Variants in ICA1 observed in about 807,000 individuals in gnomAD.
ICA1 encodes islet cell autoantigen 1, also known as 69 kDa islet cell autoantigen.
Under a neutral mutation model 71.0 loss-of-function variants are expected in ICA1, and 40 were observed. The observed-to-expected ratio is 0.56, with a 90% confidence interval of 0.44 to 0.73. The LOEUF is 0.73. Among genes scored for constraint, ICA1 ranks in the 30% least tolerant of loss-of-function variants. ICA1 has a pLI of 0.00. For missense variants in ICA1, 578 were observed against 576.5 expected, an observed-to-expected ratio of 1.00 and a Z score of -0.03; for synonymous variants, 207 against 209.5, an observed-to-expected ratio of 0.99 and a Z score of 0.10.
At chr7:8,163,397 T>C (rs1804640613) in intron 6 of ICA1, among the ~76,000 whole-genome samples, 1 of 152,246 alleles carries the variant, frequency 6.6e-6, no homozygotes, top group Admixed American at 6.5e-5. Flanking sequence ...CTACTCTCAT[T>C]TTTATATCTT....
chr7:8,262,230 C>A (rs1391105594), upstream of ICA1: 1 of 152,032 alleles, frequency 6.6e-6, no homozygotes. Context: ...CTGCGGCGGC[C>A]GCCACCAGCC....
At chr7:8,158,344 A>G in intron 7 of ICA1, 183 bp downstream of exon 7, 2 of 644,104 alleles carry the variant, frequency 3.1e-6, no homozygotes, top group South Asian at 4.1e-5. Context: ...TATACAGGAA[A>G]TAACTACTAT....
At chr7:8,213,297 T>G (rs1334336268) in intron 6 of ICA1, among the ~76,000 whole-genome samples, 3 of 152,212 alleles carry the variant, frequency 2.0e-5, no homozygotes, top group Admixed American at 6.5e-5. Flanking sequence ...CCCTACCTCC[T>G]TTATATATGA....
chr7:8,142,293 C>T (rs750369861), intron 9 of ICA1, among the ~76,000 whole-genome samples: 7 of 152,198 alleles, frequency 4.6e-5, no homozygotes, highest in Non-Finnish European at 7.3e-5. Flanking sequence ...TCTTTAAACA[C>T]AGAGACACAT....
At chr7:8,231,578 T>A (rs756252250) in intron 3 of ICA1, among the ~76,000 whole-genome samples, 6 of 152,182 alleles carry the variant, frequency 3.9e-5, no homozygotes, top group Non-Finnish European at 5.9e-5. Context: ...AAAACGAGGA[T>A]ATGAGAAACT....
chr7:8,183,666 C>T (rs979413978), intron 6 of ICA1, among the ~76,000 whole-genome samples: 1 of 152,114 alleles, frequency 6.6e-6, no homozygotes, highest in Admixed American at 6.6e-5. Flanking sequence ...GGAAAATAAG[C>T]ATGAGATAAA....
At chr7:8,118,280 C>T (rs148924252) in intron 13 of ICA1, among the ~76,000 whole-genome samples, 8 of 152,226 alleles carry the variant, frequency 5.3e-5, no homozygotes, top group South Asian at 4.1e-4. Flanking sequence ...TGAAAAAATA[C>T]GAAGAGTTCT....
rs1792357153 is a variant in ICA1 at position 8,208,332 on chromosome 7, G to A, written c.579+9973C>T. Among the ~76,000 whole-genome samples, 3 of 152,300 alleles carry A rather than the reference G, an allele frequency of 2.0e-5. No homozygotes were observed. The South Asian group carries it at 6.2e-4, about 32-fold the overall frequency. Reference sequence around the variant, plus strand: ...TAACGCTATTGGCATTCGGGAAACAGTAGCTACACTGCTCCTGTTTGAAAT... The same window carrying A: ...TAACGCTATTGGCATTCGGGAAACAATAGCTACACTGCTCCTGTTTGAAAT... On this transcript the variant is annotated intron_variant, in intron 6 of 13. Coordinates refer to ENST00000402384, the MANE Select transcript of ICA1 (RefSeq NM_001136020.3).
At chr7:8,206,520 T>A (rs3757514) in intron 6 of ICA1, among the ~76,000 whole-genome samples, 119,152 of 152,090 alleles carry the variant, frequency 0.78, 49,872 homozygotes, top group South Asian at 0.91. Context: ...TGTTCTTCAA[T>A]CTCATTGATT....
At chr7:8,188,261 T>C (rs533952038) in intron 6 of ICA1, among the ~76,000 whole-genome samples, 147 of 152,348 alleles carry the variant, frequency 9.6e-4, no homozygotes, top group African/African-American at 2.7e-3. Context: ...TAAGTTCACA[T>C]TGCATAATGA....
chr7:8,181,074 T>C (rs1462956251), intron 6 of ICA1, among the ~76,000 whole-genome samples: 1 of 152,156 alleles, frequency 6.6e-6, no homozygotes, highest in Non-Finnish European at 1.5e-5. Context: ...ATTGAGATAT[T>C]TACCTATGTT....
At chr7:8,233,475 C>A (rs1194322463) in intron 2 of ICA1, among the ~76,000 whole-genome samples, 1 of 151,290 alleles carries the variant, frequency 6.6e-6, no homozygotes, top group Non-Finnish European at 1.5e-5. Flanking sequence ...CTCACTGCAG[C>A]CTCTGCCTTC....
At chr7:8,232,529 C>A in intron 3 of ICA1, 61 bp downstream of exon 3, 1 of 1,470,954 alleles carries the variant, frequency 6.8e-7, no homozygotes, top group Non-Finnish European at 9.1e-7. Flanking sequence ...AGTGAGTATA[C>A]TCTAGGACCT....
rs1436875628 is a variant in ICA1 at position 8,138,974 on chromosome 7, A to T, written c.1018+11T>A. ...AATTAAAATTGAGTAGTTTTCCTTA[A>T]TCTAGGTTACCTGAGCATGCAGTAT... On this transcript the variant is annotated intron_variant, in intron 11 of 13. Coordinates refer to ENST00000402384, the MANE Select transcript of ICA1 (RefSeq NM_001136020.3). 6.2e-7 allele frequency: 1 copy of T among 1,610,238 alleles called. No homozygotes were observed. The highest frequency in any genetic ancestry group is 8.5e-7 in the Non-Finnish European group (1 of 1,176,702).
At chr7:8,169,312 C>G (rs1311578024) in intron 6 of ICA1, among the ~76,000 whole-genome samples, 1 of 152,044 alleles carries the variant, frequency 6.6e-6, no homozygotes, top group Non-Finnish European at 1.5e-5. Flanking sequence ...TTGAGTAAAG[C>G]TGTTATAAAT....
intron 6 of ICA1, among the ~76,000 whole-genome samples, chr7:8,194,931 A>G (rs1036922095): frequency 6.6e-6 from 1 of 152,244 alleles, no homozygotes; most frequent in East Asian, 1.9e-4. Context: ...ATAATAAAGC[A>G]TTAAAAATTA....
At chr7:8,176,142 G>A (rs138257704) in intron 6 of ICA1, among the ~76,000 whole-genome samples, 3 of 152,226 alleles carry the variant, frequency 2.0e-5, no homozygotes, top group Non-Finnish European at 4.4e-5. Context: ...CCTCTTGTAC[G>A]AAACACAAAC....
intron 8 of ICA1, among the ~76,000 whole-genome samples, chr7:8,146,897 C>CAT (rs1408563134): frequency 4.0e-5 from 6 of 151,082 alleles, no homozygotes; most frequent in Non-Finnish European, 8.9e-5. Flanking sequence ...CACACACACA[C>CAT]ACACACACAC....
chr7:8,243,093 G>A (rs1162146181), intron 1 of ICA1, among the ~76,000 whole-genome samples: 2 of 152,118 alleles, frequency 1.3e-5, no homozygotes, highest in Non-Finnish European at 2.9e-5. Flanking sequence ...TGATACCAAA[G>A]CCTGGCAGAG....
Sources: gnomAD v4.1 joint callset for allele counts (sites outside exome capture counted in the v4.1 genomes callset) on GRCh38, gnomAD v4.1.1 for gene constraint, MANE v1.5 for transcripts, NCBI Gene and HGNC (gene_info 2026-07-23, HGNC 2026-07-21) for gene names.